SEMA4D: variants seen among roughly 807,000 people sequenced by gnomAD.
SEMA4D encodes semaphorin-4D.
SEMA4D carries 22 observed loss-of-function variants against 74.8 expected under a neutral mutation model. The observed-to-expected ratio is 0.29, with a 90% CI of 0.21 to 0.42. The LOEUF is 0.42. SEMA4D is among the 10% of genes least tolerant of loss of function. The pLI is 1.00. For missense variants in SEMA4D, 937 were observed against 1,118.4 expected, an observed-to-expected ratio of 0.84 and a Z score of 2.31; for synonymous variants, 445 against 463.7, an observed-to-expected ratio of 0.96 and a Z score of 0.52.
chr9:89,447,676 G>T (rs1480875011), intron 2 of SEMA4D, among the ~76,000 whole-genome samples: 3 of 152,022 alleles, frequency 2.0e-5, no homozygotes, highest in African/African-American at 4.8e-5. Context: ...CCCCACAATG[G>T]CCCATTTTCC....
intron 2 of SEMA4D, among the ~76,000 whole-genome samples, chr9:89,433,364 G>A (rs1849688444): frequency 6.6e-6 from 1 of 152,112 alleles, no homozygotes; most frequent in Non-Finnish European, 1.5e-5. Context: ...ACTGCAGCAT[G>A]GTCAGCACTG....
rs755775815 is a variant in SEMA4D at position 89,381,273 on chromosome 9, C to T, written c.1520G>A (p.Gly507Asp). Residue 507 changes from glycine to aspartate, a missense_variant, in exon 14 of 16, where the codon GGC (glycine) becomes GAC (aspartate). By Grantham distance (94) the Gly-to-Asp change is moderately conservative (BLOSUM62 -1). Transcript: ENST00000422704. The surrounding 1 kb of genome is among the most constrained non-coding windows in gnomAD (Gnocchi z 4.6). ...CGCCAGCACACAGTCCTCGCAGGTG[C>T]CGTGCTTCCCACAGAAGGCCAGCGG... The part of the protein sequence containing the change: ...QAPLAFCGKH[G>D]TCEDCVLARD... 4.4e-6 allele frequency: 7 copies of T among 1,590,262 alleles called. No individual in the cohort carries two copies. Among genetic ancestry groups the T allele is most frequent in the Middle Eastern group, 1.7e-4 (1 of 5,982 alleles).
At chr9:89,403,447 A>G (rs780083509) in intron 3 of SEMA4D, among the ~76,000 whole-genome samples, 3 of 152,244 alleles carry the variant, frequency 2.0e-5, no homozygotes, top group African/African-American at 4.8e-5. Flanking sequence ...ACAATGACTT[A>G]GGATTTTCTT....
intron 1 of SEMA4D, among the ~76,000 whole-genome samples, chr9:89,461,849 T>C (rs1376946433): frequency 2.0e-5 from 3 of 151,864 alleles, no homozygotes; most frequent in Admixed American, 6.6e-5. Context: ...ATTACAGGCG[T>C]GCGCCACTAC....
chr9:89,376,860 T>C (rs1470133775), downstream of SEMA4D: 10 of 1,549,882 alleles, frequency 6.5e-6, no homozygotes, highest in Non-Finnish European at 8.7e-6. Context: ...AGGTAGAAGT[T>C]CCCCAGGGCG....
At chr9:89,450,116 G>C (rs1853987968) in intron 2 of SEMA4D, 1 of 1,248,476 alleles carries the variant, frequency 8.0e-7, no homozygotes, top group African/African-American at 1.5e-5. Flanking sequence ...AAGGTATGCT[G>C]TCACACCAGC....
intron 1 of SEMA4D, among the ~76,000 whole-genome samples, chr9:89,470,697 A>G (rs1588121927): frequency 6.6e-6 from 1 of 152,130 alleles, no homozygotes; most frequent in African/African-American, 2.4e-5. Flanking sequence ...CAAACACACA[A>G]TGGACTTACC....
intron 2 of SEMA4D, among the ~76,000 whole-genome samples, chr9:89,417,138 T>G (rs1845894929): frequency 6.6e-6 from 1 of 152,184 alleles, no homozygotes; most frequent in Non-Finnish European, 1.5e-5. Context: ...AAAATATTTT[T>G]TATGAAGAGA....
intron 17 of SEMA4D, chr9:89,363,531 G>A: frequency 6.2e-7 from 1 of 1,613,978 alleles, no homozygotes; most frequent in Non-Finnish European, 8.5e-7. Context: ...GTCACTTCTG[G>A]AAAACAAGCA....
intron 1 of SEMA4D, among the ~76,000 whole-genome samples, chr9:89,458,552 GCAGA>G (rs747721238): frequency 3.6e-4 from 54 of 151,550 alleles, no homozygotes; most frequent in Non-Finnish European, 3.7e-4. Context: ...ACCCATCCAA[GCAGA>G]CACACACCCA....
intron 2 of SEMA4D, among the ~76,000 whole-genome samples, chr9:89,429,011 T>G (rs1160835188): frequency 6.6e-6 from 1 of 152,186 alleles, no homozygotes; most frequent in Admixed American, 6.5e-5. Context: ...GGGGGGGGTC[T>G]CCCCTTCCAC....
chr9:89,373,574 C>T (rs2132526429), downstream of SEMA4D, among the ~76,000 whole-genome samples: 1 of 152,340 alleles, frequency 6.6e-6, no homozygotes, highest in African/African-American at 2.4e-5. Flanking sequence ...CTGAAGATGC[C>T]ACGAATGTCC....
rs150199901 is a variant in SEMA4D at position 89,399,478 on chromosome 9, G to GT, written c.253-141dup. The GT allele has an allele frequency of 1.8e-3, 1,209 of 664,878 alleles. 18 individuals carry two copies. The African/African-American group carries it at 0.02, about 11-fold the overall frequency. 41.2% of individuals were successfully genotyped at this position (664,878 alleles called of 1,614,324 possible). Reference sequence around the variant, plus strand: ...GATCAATTCTCAGACTGCAAGGGAGGTTCAGAGAGCAGGGGAGCAGCCTGG... The same window carrying GT: ...GATCAATTCTCAGACTGCAAGGGAGGTTTCAGAGAGCAGGGGAGCAGCCTGG... On this transcript the variant is annotated intron_variant, in intron 4 of 15. Transcript: ENST00000422704.
At chr9:89,486,648 G>A (rs776216004) in intron 1 of SEMA4D, among the ~76,000 whole-genome samples, 1 of 152,218 alleles carries the variant, frequency 6.6e-6, no homozygotes, top group Non-Finnish European at 1.5e-5. Context: ...GCTCACACCT[G>A]TAAGCTCAGC....
At chr9:89,385,007 C>T (rs761618873) in intron 13 of SEMA4D, 18 of 985,352 alleles carry the variant, frequency 1.8e-5, no homozygotes, top group East Asian at 2.3e-4. Flanking sequence ...ACAGGCGGGT[C>T]GGGTGGTCCA....
chr9:89,408,278 C>A (rs531627086), intron 2 of SEMA4D, among the ~76,000 whole-genome samples: 3 of 152,240 alleles, frequency 2.0e-5, no homozygotes, highest in African/African-American at 4.8e-5. Flanking sequence ...ACAGAACCCA[C>A]GCCCTGGAGT....
At chr9:89,396,931 C>G in intron 5 of SEMA4D, 96 bp from the exon 6 acceptor site, 2 of 1,096,142 alleles carry the variant, frequency 1.8e-6, no homozygotes, top group Admixed American at 2.1e-5. Context: ...GGCACAGACC[C>G]ACATTCACCA....
intron 15 of SEMA4D, among the ~76,000 whole-genome samples, chr9:89,380,312 C>A (rs1018645381): frequency 3.9e-5 from 6 of 152,090 alleles, no homozygotes; most frequent in South Asian, 2.1e-4. Flanking sequence ...GGATTACAGG[C>A]ATGAGCCACT....
At chr9:89,424,224 TG>T (rs1847636414) in intron 2 of SEMA4D, among the ~76,000 whole-genome samples, 1 of 152,160 alleles carries the variant, frequency 6.6e-6, no homozygotes, top group South Asian at 2.1e-4. Flanking sequence ...AAATGAGGAC[TG>T]TAAGGCATGG....
Sources: allele counts gnomAD v4.1 joint callset (sites outside exome capture counted in the v4.1 genomes callset), GRCh38; gene constraint gnomAD v4.1.1; non-coding constraint Gnocchi (gnomAD v3.1); transcripts MANE v1.5; gene names NCBI Gene and HGNC (gene_info 2026-07-23, HGNC 2026-07-21).